The following FAM171A2 variants were observed in gnomAD, a reference collection of about 807,000 sequenced individuals.
The protein encoded by FAM171A2 is family with sequence similarity 171 member A2, also known as protein FAM171A2.
Under a neutral mutation model 34.2 loss-of-function variants are expected in FAM171A2, and 13 were observed. The ratio of observed to expected loss-of-function variants is 0.38; its 90% CI spans 0.25 to 0.60. The LOEUF (loss-of-function observed/expected upper bound fraction) is 0.60, where lower values mean the gene tolerates loss of function less well. Ranked by LOEUF, FAM171A2 falls within the 20% of genes least tolerant of loss-of-function variation. The pLI, the probability that FAM171A2 is intolerant of heterozygous loss-of-function variation, is 0.62. For missense variants in FAM171A2, 950 were observed against 1,180.7 expected (o/e 0.80, Z 2.86); for synonymous variants, 475 against 561.2 (o/e 0.85, Z 2.17).
rs2048405557 is a variant in FAM171A2, at chr17:44,353,998, G to C, written c.2216C>G (p.Thr739Arg). The C allele has an allele frequency of 8.2e-7, 1 of 1,223,706 alleles. No homozygotes were observed. 75.8% of individuals were successfully genotyped at this position (1,223,706 alleles called of 1,614,324 possible). ...DTEPSSSESR[T>R]GLCSPEDNSL... The stretch of plus-strand genomic sequence containing the variant: ...GTTGTCCTCCGGAGAGCAGAGGCCC[G>C]TGCGGCTCTCGCTGCTGCTGGGCTC... The change falls in exon 8 of 8, where the codon ACG becomes AGG. Residue 739 changes from threonine to arginine, a missense_variant. By Grantham distance (71) the Thr-to-Arg change is moderately conservative. This residue lies in a region of FAM171A2 where 191 missense variants were observed against 222.8 expected (regional missense o/e 0.86). Coordinates refer to ENST00000293443, the MANE Select transcript of FAM171A2 (RefSeq NM_198475.3).
chr17:44,355,147 A>G lies in FAM171A2; in HGVS notation c.1067T>C (p.Leu356Pro). ...TTTGTTACCGTCAGAGGGCCCCGAG[A>G]GCTGCAGCTTGCGGTGCTGTTGCCT... is the stretch of plus-strand genomic sequence containing the variant. Reference protein sequence around the residue: ...KPRQQHRKLQLSGPSDGNKRD... With the variant: ...KPRQQHRKLQPSGPSDGNKRD... The change falls in exon 8 of 8, where the codon CTC (leucine) becomes CCC (proline). Residue 356 changes from leucine to proline, a missense_variant. Physicochemically the swap from Leu to Pro is moderately conservative, Grantham distance 98. This residue lies in a region of FAM171A2 where 752 missense variants were observed against 924.5 expected (regional missense o/e 0.81). Transcript: ENST00000293443. The surrounding 1 kb of genome is among the most constrained non-coding windows in gnomAD (Gnocchi z 4.1). The G allele has an allele frequency of 6.4e-7, 1 of 1,550,918 alleles. No homozygotes were observed. Among genetic ancestry groups the G allele is most frequent in the Non-Finnish European group, 8.7e-7 (1 of 1,146,906 alleles).
chr17:44,355,074 T>C lies in FAM171A2; in HGVS notation c.1140A>G (p.Gly380=), dbSNP rs1448211058. The C allele has an allele frequency of 1.3e-6, 2 of 1,548,404 alleles. No individual in the cohort carries two copies. Among genetic ancestry groups the C allele is most frequent in the Admixed American group, 2.0e-5 (1 of 50,692 alleles). ...CCCCCGACGGGGCGGGTTCCAGGGG[T>C]CCCCCACAGATGAGGTGGAGCTGGG... ...SMSQLHLICG[G]PLEPAPSGDP... is the part of the protein sequence containing the mutation. Residue 380 remains glycine, a synonymous_variant, in exon 8 of 8, where the codon GGA becomes GGG. Coordinates refer to ENST00000293443, the MANE Select transcript of FAM171A2 (RefSeq NM_198475.3). This position sits in a 1 kb window ranked among gnomAD's most constrained non-coding sequence, Gnocchi z 4.1.
At chr17:44,356,626 A>T in intron 3 of FAM171A2, 38 bp from the exon 4 acceptor site, 3 of 1,507,944 alleles carry the variant, frequency 2.0e-6, no homozygotes, top group Non-Finnish European at 2.7e-6. Context: ...TTGACCATGG[A>T]CAGGGATCCC....
At chr17:44,357,672 AT>A (rs2048430403) in intron 3 of FAM171A2, among the ~76,000 whole-genome samples, 1 of 151,648 alleles carries the variant, frequency 6.6e-6, no homozygotes, top group Non-Finnish European at 1.5e-5. Context: ...TGAATTTTTA[AT>A]TTAATTTACT....
In FAM171A2 at chr17:44,363,583, C is replaced by G. The variant is rs544846094; in HGVS notation, c.118+14G>C. The G allele has an allele frequency of 8.3e-7, 1 of 1,211,852 alleles. No individual in the cohort carries two copies. Among genetic ancestry groups the G allele is most frequent in the African/African-American group, 1.6e-5 (1 of 63,882 alleles). 75.1% of individuals were successfully genotyped at this position (1,211,852 alleles called of 1,614,324 possible). A position where few individuals can be genotyped will look rare whatever the true frequency, so the allele number is the denominator to read the frequency against. Reference sequence around the variant, plus strand: ...GCAGGCCCGCGATCGCGGCCCCTCCCGGCTGAGACTCACCCTGCGGGCTGG... The same window carrying G: ...GCAGGCCCGCGATCGCGGCCCCTCCGGGCTGAGACTCACCCTGCGGGCTGG... On this transcript the variant is annotated intron_variant, in intron 1 of 7. Coordinates refer to ENST00000293443, the MANE Select transcript of FAM171A2 (RefSeq NM_198475.3).
intron 3 of FAM171A2, among the ~76,000 whole-genome samples, chr17:44,356,867 G>GTAT (rs983528629): frequency 5.9e-5 from 9 of 152,286 alleles, no homozygotes; most frequent in African/African-American, 2.2e-4. Flanking sequence ...TCCTCAAACA[G>GTAT]TATTGTCTAC....
Position 44,355,801 on chromosome 17 carries a change from G to A in FAM171A2, c.936C>T (p.Thr312=). 1 of 1,551,800 alleles carries A rather than the reference G, an allele frequency of 6.4e-7. No individual in the cohort carries two copies. Among genetic ancestry groups the A allele is most frequent in the Admixed American group, 2.0e-5 (1 of 51,000 alleles). Residue 312 remains threonine, a synonymous_variant, in exon 7 of 8, where the codon ACC becomes ACT. Transcript: ENST00000293443. The surrounding 1 kb of genome is among the most constrained non-coding windows in gnomAD (Gnocchi z 4.1). ...TITSGIQDIG[T]YHTIFLLTIL... ...TGGTGAGCAAGAAGATGGTGTGGTAGGTGCCGATGTCCTGGATGCCCGACG... is the reference window on the plus strand; with the variant it reads ...TGGTGAGCAAGAAGATGGTGTGGTAAGTGCCGATGTCCTGGATGCCCGACG...
rs1489524217 is a variant in FAM171A2, at chr17:44,354,648, G to A, written c.1566C>T (p.Cys522=). The A allele has an allele frequency of 6.9e-6, 9 of 1,299,538 alleles. No homozygotes were observed. The highest frequency in any genetic ancestry group is 4.2e-5 in the South Asian group (2 of 47,652). 80.5% of individuals were successfully genotyped at this position (1,299,538 alleles called of 1,614,324 possible). ...TGTCCTTGAGGTGGTCGATGGAGCC[G>A]CAGAAGATGAGCTGCCCCGCCTGGC... The part of the protein sequence containing the change: ...SLGQAGQLIF[C]GSIDHLKDNV... Residue 522 remains cysteine, a synonymous_variant, in exon 8 of 8, where the codon TGC becomes TGT. Transcript: ENST00000293443. The surrounding 1 kb of genome is among the most constrained non-coding windows in gnomAD (Gnocchi z 5.8).
intron 3 of FAM171A2, among the ~76,000 whole-genome samples, chr17:44,358,142 C>T (rs922929052): frequency 3.9e-5 from 6 of 152,172 alleles, no homozygotes; most frequent in Non-Finnish European, 7.3e-5. Flanking sequence ...ATGTGGAAGA[C>T]TCAGCCAGGA....
chr17:44,356,738 C>T (rs1282734027), intron 3 of FAM171A2, 150 bp from the exon 4 acceptor site: 2 of 850,146 alleles, frequency 2.4e-6, no homozygotes, highest in Non-Finnish European at 3.5e-6. Flanking sequence ...GAAAGCTGGG[C>T]AGTCATGGAA....
intron 3 of FAM171A2, among the ~76,000 whole-genome samples, chr17:44,357,759 T>TGGGGGGGGGG (rs2048431367): frequency 1.3e-5 from 1 of 74,526 alleles, no homozygotes; most frequent in African/African-American, 7.1e-5. Flanking sequence ...GTGTGTGTGT[T>TGGGGGGGGGG]GGGGTGGAGG....
Position 44,355,726 on chromosome 17 carries a change from G to A in FAM171A2, c.1011C>T (p.Ile337=). The A allele has an allele frequency of 1.3e-6, 2 of 1,551,756 alleles. No homozygotes were observed. The highest frequency in any genetic ancestry group is 1.7e-6 in the Non-Finnish European group (2 of 1,147,034). The change falls in exon 7 of 8, where the codon ATC becomes ATT. Residue 337 remains isoleucine (I), a synonymous_variant. Transcript: ENST00000293443. The surrounding 1 kb of genome is among the most constrained non-coding windows in gnomAD (Gnocchi z 4.1). The part of the protein sequence containing the change: ...LLVLILLCLL[I]YYCRRRCLKP... ...AGCCCCGTGCTCACCGGCAGTAGTA[G>A]ATGAGCAGACACAGCAGGATAAGCA... is the stretch of plus-strand genomic sequence containing the variant.
chr17:44,360,100 C>T lies in FAM171A2; in HGVS notation c.151G>A (p.Gly51Arg), dbSNP rs753696091. 4.8e-5 allele frequency: 74 copies of T among 1,551,510 alleles called. No homozygotes were observed. Among genetic ancestry groups the T allele is most frequent in the South Asian group, 1.2e-4 (10 of 84,054 alleles). ...GCCCGGGCCAGGGGCACCAGCTCCC[C>T]GCTCACATACACCTGCACCTTGATC... is the stretch of plus-strand genomic sequence containing the variant. ...ILIKVQVYVS[G>R]ELVPLARASV... is the part of the protein sequence containing the mutation. The change falls in exon 2 of 8, where the codon GGG (glycine) becomes AGG (arginine). Residue 51 changes from glycine (G) to arginine (R), a missense_variant. Coordinates refer to ENST00000293443, the MANE Select transcript of FAM171A2 (RefSeq NM_198475.3).
In FAM171A2 at chr17:44,359,786, C is replaced by G. The variant is rs932372875; in HGVS notation, c.347-115G>C. The G allele has an allele frequency of 4.4e-6, 6 of 1,353,560 alleles. No individual in the cohort carries two copies. In the Admixed American group the frequency reaches 1.3e-4, roughly 29 times the overall value. 83.8% of individuals were successfully genotyped at this position (1,353,560 alleles called of 1,614,324 possible). On this transcript the variant is annotated intron_variant, in intron 2 of 7. Transcript: ENST00000293443. ...CCCTCCCTCAGCCCCCTCTGTGTAC[C>G]CCAGCCCAGGCAGCAGCTGCTGGAA...
intron 3 of FAM171A2, among the ~76,000 whole-genome samples, chr17:44,358,766 T>C (rs2048435921): frequency 6.6e-6 from 1 of 151,212 alleles, no homozygotes; most frequent in Non-Finnish European, 1.5e-5. Flanking sequence ...TGGGATGGGG[T>C]TCCTCAAACT....
Position 44,353,558 on chromosome 17 carries a change from A to C in FAM171A2, c.*175T>G. On this transcript the variant is annotated 3_prime_UTR_variant, in exon 8 of 8. Transcript: ENST00000293443. ...CCTCCTCCCCGGCTTGGAGGCAGAC[A>C]CAGGGTCCCTTGCAAGACACGACCC... 1.4e-5 allele frequency: 5 copies of C among 352,310 alleles called. No individual in the cohort carries two copies. Among genetic ancestry groups the C allele is most frequent in the Non-Finnish European group, 1.4e-5 (3 of 221,936 alleles). 21.8% of individuals were successfully genotyped at this position (352,310 alleles called of 1,614,324 possible). A position where few individuals can be genotyped will look rare whatever the true frequency, so the allele number is the denominator to read the frequency against.
In FAM171A2 at chr17:44,355,694, T is replaced by C; in HGVS notation, c.1022+21A>G. ...GGCCCGGTACAAGTGCAGGGGAGGGTGAGGGAAGCCCCGTGCTCACCGGCA... is the reference window on the plus strand; with the variant it reads ...GGCCCGGTACAAGTGCAGGGGAGGGCGAGGGAAGCCCCGTGCTCACCGGCA... On this transcript the variant is annotated intron_variant, in intron 7 of 7. Transcript: ENST00000293443. This position sits in a 1 kb window ranked among gnomAD's most constrained non-coding sequence, Gnocchi z 4.1. The C allele has an allele frequency of 6.4e-7, 1 of 1,550,804 alleles. No homozygotes were observed. Among genetic ancestry groups the C allele is most frequent in the Non-Finnish European group, 8.7e-7 (1 of 1,146,784 alleles).
chr17:44,355,846 G>A lies in FAM171A2; in HGVS notation c.896-5C>T. 1 of 1,551,640 alleles carries A rather than the reference G, an allele frequency of 6.4e-7. No homozygotes were observed. Among genetic ancestry groups the A allele is most frequent in the Non-Finnish European group, 8.7e-7 (1 of 1,146,986 alleles). ...CCGACGTGATGGTGACCAGCCCTGT[G>A]CCAGGCGAGGGCTTAGCGTTCAGGT... On this transcript the variant is annotated splice_polypyrimidine_tract_variant and splice_region_variant and intron_variant, in intron 6 of 7. Coordinates refer to ENST00000293443, the MANE Select transcript of FAM171A2 (RefSeq NM_198475.3). The surrounding 1 kb of genome is among the most constrained non-coding windows in gnomAD (Gnocchi z 4.1).
chr17:44,356,553 G>A lies in FAM171A2; in HGVS notation c.475C>T (p.Arg159Trp), dbSNP rs758974947. The A allele has an allele frequency of 1.1e-5, 17 of 1,548,070 alleles. No homozygotes were observed. Among genetic ancestry groups the A allele is most frequent in the Admixed American group, 5.9e-5 (3 of 50,932 alleles). The change falls in exon 4 of 8, where the codon CGG (arginine) becomes TGG (tryptophan). Residue 159 changes from arginine to tryptophan, a missense_variant. Coordinates refer to ENST00000293443, the MANE Select transcript of FAM171A2 (RefSeq NM_198475.3). ...GAGCTGACAGGCAGGCGGGCAGCCC[G>A]GCGCTGGAACTGCACCAAGGGCTGG... is the stretch of plus-strand genomic sequence containing the variant. ...RSQPLVQFQRRAARLPVSSTY... is the reference protein window; with the variant it reads ...RSQPLVQFQRWAARLPVSSTY...
Sources: gnomAD v4.1 joint callset for allele counts (sites outside exome capture counted in the v4.1 genomes callset) on GRCh38, gnomAD v4.1.1 for gene constraint, gnomAD v4.1.1 regional missense constraint, Gnocchi (gnomAD v3.1) non-coding constraint, MANE v1.5 for transcripts, NCBI Gene and HGNC (gene_info 2026-07-23, HGNC 2026-07-21) for gene names.